IQUB: variants seen among roughly 807,000 people sequenced by gnomAD.
IQUB encodes IQ motif and ubiquitin-like domain-containing protein.
Under a neutral mutation model 86.4 loss-of-function variants are expected in IQUB, and 86 were observed. The observed-to-expected ratio is 1.00, with a 90% CI of 0.84 to 1.19. The LOEUF (loss-of-function observed/expected upper bound fraction) is 1.19. IQUB is among the 50% of genes most tolerant of loss of function. The pLI, the probability that IQUB is intolerant of heterozygous loss-of-function variation, is 0.00. For synonymous variants in IQUB, 289 were observed against 304.5 expected (o/e 0.95, Z 0.53); for missense variants, 946 against 916.9 (o/e 1.03, Z -0.41).
chr7:123,503,167 A>G (rs1340468607), intron 4 of IQUB, 35 bp downstream of exon 4: 1 of 1,608,352 alleles, frequency 6.2e-7, no homozygotes, highest in Middle Eastern at 1.7e-4. Flanking sequence ...AAGGGACTCA[A>G]AAATACTTTA....
At chr7:123,482,605 C>T (rs1045207653) in intron 7 of IQUB, among the ~76,000 whole-genome samples, 3 of 151,960 alleles carry the variant, frequency 2.0e-5, no homozygotes, top group African/African-American at 4.8e-5. Context: ...AAAAACACTA[C>T]ATGTGAAAAT....
chr7:123,482,116 G>A (rs1165939926), intron 7 of IQUB, among the ~76,000 whole-genome samples: 1 of 151,944 alleles, frequency 6.6e-6, no homozygotes, highest in Non-Finnish European at 1.5e-5. Context: ...GGTACAAGGT[G>A]ATTTTATGAT....
chr7:123,461,538 G>A lies in IQUB; in HGVS notation c.1826C>T (p.Pro609Leu), dbSNP rs1793984570. The change falls in exon 11 of 13, where the codon CCT becomes CTT. Residue 609 changes from proline (P) to leucine (L), a missense_variant. By Grantham distance (98) the Pro-to-Leu change is moderately conservative. Coordinates refer to ENST00000324698, the MANE Select transcript of IQUB (RefSeq NM_178827.5). ...YFCHSCQLYL[P>L]STEFSVSSTS... is the part of the protein sequence containing the mutation. Reference sequence around the variant, plus strand: ...GGATGATACAGAAAATTCTGTAGAAGGCAAATAAAGCTGGCAACTGTGGCA... The same window carrying A: ...GGATGATACAGAAAATTCTGTAGAAAGCAAATAAAGCTGGCAACTGTGGCA... 1.2e-6 allele frequency: 2 copies of A among 1,611,750 alleles called. No homozygotes were observed. Among genetic ancestry groups the A allele is most frequent in the Non-Finnish European group, 1.7e-6 (2 of 1,178,674 alleles).
chr7:123,528,070 C>A (rs1004323640), intron 1 of IQUB, among the ~76,000 whole-genome samples: 6 of 152,120 alleles, frequency 3.9e-5, no homozygotes, highest in Admixed American at 2.6e-4. Flanking sequence ...TGGGAGTGAC[C>A]CGATTTTCCA....
At chr7:123,478,642 C>G (rs1277135064) in intron 8 of IQUB, among the ~76,000 whole-genome samples, 1 of 151,774 alleles carries the variant, frequency 6.6e-6, no homozygotes, top group African/African-American at 2.4e-5. Flanking sequence ...AATAATTGAC[C>G]AAGGATTTAA....
At chr7:123,501,381 A>G (rs897417218) in intron 6 of IQUB, 3 of 152,330 alleles carry the variant, frequency 2.0e-5, no homozygotes, top group Admixed American at 2.0e-4. Context: ...AGGCTGGAAT[A>G]ACAGGCACTA....
intron 9 of IQUB, among the ~76,000 whole-genome samples, chr7:123,467,904 C>T (rs1794336297): frequency 6.6e-6 from 1 of 152,196 alleles, no homozygotes. Flanking sequence ...AGACATAGCG[C>T]AAGTCCTATT....
rs1216884377 is a variant in IQUB at position 123,457,554 on chromosome 7, G to T, written c.2020C>A (p.Gln674Lys). 1.9e-6 allele frequency: 3 copies of T among 1,602,640 alleles called. No individual in the cohort carries two copies. In the Admixed American group the frequency reaches 5.2e-5, roughly 28 times the overall value. The part of the protein sequence containing the change: ...IAFLMQLQDI[Q>K]YLTENIWASQ... ...GCCCAGATGTTCTCTGTCAGGTACT[G>T]AATGTCTTGTAGCTGCATGTCAAAG... The change falls in exon 12 of 13, where the codon CAG becomes AAG. Residue 674 changes from glutamine (Q) to lysine (K), a missense_variant. Transcript: ENST00000324698.
chr7:123,483,156 G>A (rs1323627950), intron 7 of IQUB, among the ~76,000 whole-genome samples: 2 of 152,046 alleles, frequency 1.3e-5, no homozygotes, highest in Non-Finnish European at 2.9e-5. Context: ...TCCACAAGCA[G>A]GATGCTCGTG....
At chr7:123,506,989 A>G (rs1173216989) in intron 3 of IQUB, among the ~76,000 whole-genome samples, 1 of 152,210 alleles carries the variant, frequency 6.6e-6, no homozygotes, top group Non-Finnish European at 1.5e-5. Flanking sequence ...GGTATACAAA[A>G]ATGTAACTAT....
chr7:123,505,197 G>T (rs1284160814), intron 3 of IQUB, among the ~76,000 whole-genome samples: 1 of 152,196 alleles, frequency 6.6e-6, no homozygotes, highest in Non-Finnish European at 1.5e-5. Context: ...TGGCTCCACA[G>T]GGCTCAGCTC....
chr7:123,461,268 TCACA>T (rs111355527), intron 11 of IQUB, 85 bp downstream of exon 11: 22 of 1,254,210 alleles, frequency 1.8e-5, no homozygotes, highest in Non-Finnish European at 2.3e-5. Flanking sequence ...CATTAAACAA[TCACA>T]CACACACACA....
At chr7:123,527,243 C>A (rs550385869) in intron 1 of IQUB, among the ~76,000 whole-genome samples, 1 of 152,156 alleles carries the variant, frequency 6.6e-6, no homozygotes, top group African/African-American at 2.4e-5. Flanking sequence ...TTTTCAACTT[C>A]TTTGCCTTTG....
chr7:123,477,076 G>A (rs1794777246), intron 8 of IQUB, among the ~76,000 whole-genome samples: 1 of 151,952 alleles, frequency 6.6e-6, no homozygotes, highest in Admixed American at 6.6e-5. Flanking sequence ...TCACAGAATT[G>A]GAAAAAAACT....
intron 3 of IQUB, among the ~76,000 whole-genome samples, chr7:123,507,929 G>T (rs1455971193): frequency 1.3e-5 from 2 of 151,824 alleles, no homozygotes; most frequent in Admixed American, 1.3e-4. Context: ...TTGGATAACT[G>T]CCCCAAGTAT....
At chr7:123,467,130 A>G (rs1794299730) in intron 9 of IQUB, among the ~76,000 whole-genome samples, 1 of 151,068 alleles carries the variant, frequency 6.6e-6, no homozygotes, top group Non-Finnish European at 1.5e-5. Context: ...AATAATATAA[A>G]TTATTTAATT....
At chr7:123,508,269 G>A (rs947746404) in intron 3 of IQUB, among the ~76,000 whole-genome samples, 5 of 152,158 alleles carry the variant, frequency 3.3e-5, no homozygotes, top group East Asian at 1.9e-4. Context: ...TCCTCCAGAG[G>A]GACAGCAGCC....
intron 1 of IQUB, among the ~76,000 whole-genome samples, chr7:123,519,991 T>G (rs937095029): frequency 6.9e-6 from 1 of 144,786 alleles, no homozygotes; most frequent in Non-Finnish European, 1.5e-5. Flanking sequence ...AACAAATTTT[T>G]ATTGGGTACC....
intron 9 of IQUB, among the ~76,000 whole-genome samples, chr7:123,467,059 C>T (rs1428320863): frequency 6.6e-6 from 1 of 151,816 alleles, no homozygotes; most frequent in Non-Finnish European, 1.5e-5. Flanking sequence ...GTATTGCCCA[C>T]TTATTATATA....
Sources: gnomAD v4.1 joint callset for allele counts (sites outside exome capture counted in the v4.1 genomes callset) on GRCh38, gnomAD v4.1.1 for gene constraint, MANE v1.5 for transcripts, NCBI Gene and HGNC (gene_info 2026-07-23, HGNC 2026-07-21) for gene names.